Variants in COL22A1 observed in about 807,000 individuals in gnomAD.
The protein encoded by COL22A1 is collagen alpha-1(XXII) chain.
A neutral mutation model predicts 248.9 loss-of-function variants in COL22A1; 221 were observed. The observed-to-expected ratio is 0.89, with a 90% CI of 0.80 to 0.99. The LOEUF (loss-of-function observed/expected upper bound fraction) is 0.99. Among genes scored for constraint, COL22A1 ranks in the 50% least tolerant of loss-of-function variants. The pLI, the probability that COL22A1 is intolerant of heterozygous loss-of-function variation, is 0.00. For synonymous variants in COL22A1, 891 were observed against 793.4 expected (o/e 1.12, Z -2.07); for missense variants, 2,240 against 2,179.0 (o/e 1.03, Z -0.56).
intron 18 of COL22A1, among the ~76,000 whole-genome samples, chr8:138,759,699 A>C (rs1219793087): frequency 6.6e-6 from 1 of 152,218 alleles, no homozygotes; most frequent in African/African-American, 2.4e-5. Context: ...TCTTAGCAGC[A>C]AATTTACTTC....
chr8:138,735,189 T>C (rs1831013565), intron 23 of COL22A1, among the ~76,000 whole-genome samples: 1 of 152,106 alleles, frequency 6.6e-6, no homozygotes, highest in Non-Finnish European at 1.5e-5. Context: ...AAAATAAAAT[T>C]AAACTTTGAA....
intron 30 of COL22A1, among the ~76,000 whole-genome samples, chr8:138,710,831 C>T (rs1828902565): frequency 1.3e-5 from 2 of 152,156 alleles, no homozygotes; most frequent in South Asian, 4.1e-4. Context: ...ACCCAATTCT[C>T]TTCCTGACAT....
chr8:138,809,054 C>G (rs904500097), intron 9 of COL22A1, among the ~76,000 whole-genome samples: 1 of 133,158 alleles, frequency 7.5e-6, no homozygotes, highest in African/African-American at 2.7e-5. Context: ...CTTCCTAGGC[C>G]CCCTGTGTTG....
At chr8:138,784,903 C>T (rs1815378733) in intron 12 of COL22A1, among the ~76,000 whole-genome samples, 5 of 152,184 alleles carry the variant, frequency 3.3e-5, no homozygotes, top group Admixed American at 3.3e-4. Context: ...ACTCCAGGCC[C>T]TAGAGTGTGC....
intron 56 of COL22A1, among the ~76,000 whole-genome samples, chr8:138,610,799 T>C (rs966728100): frequency 1.3e-5 from 2 of 152,218 alleles, no homozygotes; most frequent in Non-Finnish European, 2.9e-5. Flanking sequence ...CATGGTGGCT[T>C]ACACCTATAA....
intron 40 of COL22A1, among the ~76,000 whole-genome samples, chr8:138,678,366 G>A (rs1825723096): frequency 6.6e-6 from 1 of 152,138 alleles, no homozygotes; most frequent in Admixed American, 6.6e-5. Flanking sequence ...CACACTACCT[G>A]CTGTTTCTGG....
intron 64 of COL22A1, among the ~76,000 whole-genome samples, chr8:138,589,722 A>G (rs1034190170): frequency 3.9e-5 from 6 of 152,174 alleles, no homozygotes; most frequent in African/African-American, 1.4e-4. Flanking sequence ...GATTGAGACC[A>G]GGTAGGGCAT....
At chr8:138,616,184 C>T (rs928750173) in intron 54 of COL22A1, 130 bp from the exon 55 acceptor site, 5 of 768,020 alleles carry the variant, frequency 6.5e-6, no homozygotes, top group African/African-American at 5.2e-5. Context: ...ATACGCAGAG[C>T]CCCAGCCCTG....
intron 45 of COL22A1, among the ~76,000 whole-genome samples, chr8:138,652,735 GTTTTT>G (rs71316352): frequency 2.9e-4 from 16 of 54,276 alleles, no homozygotes; most frequent in South Asian, 2.4e-3. Context: ...TCCTTTTCTG[GTTTTT>G]TTTTTTTTTT....
In COL22A1 at chr8:138,608,000, A is replaced by G; in HGVS notation, c.3979-11T>C. The G allele has an allele frequency of 6.2e-7, 1 of 1,613,902 alleles. No individual in the cohort carries two copies. The highest frequency in any genetic ancestry group is 8.5e-7 in the Non-Finnish European group (1 of 1,179,886). Reference sequence around the variant, plus strand: ...TGATCCATTCTTGCCCTGGTGGAAGAAACAGAGGTAATCATCCTGCCAGGG... The same window carrying G: ...TGATCCATTCTTGCCCTGGTGGAAGGAACAGAGGTAATCATCCTGCCAGGG... On this transcript the variant is annotated splice_polypyrimidine_tract_variant and intron_variant, in intron 56 of 64. Transcript: ENST00000303045.
intron 7 of COL22A1, 136 bp from the exon 8 acceptor site, chr8:138,813,155 A>C: frequency 1.5e-6 from 1 of 659,218 alleles, no homozygotes; most frequent in South Asian, 1.7e-5. Context: ...ACCCCAGGAT[A>C]CCCCTATCCT....
chr8:138,795,417 T>C (rs1816420390), intron 12 of COL22A1, among the ~76,000 whole-genome samples: 1 of 152,142 alleles, frequency 6.6e-6, no homozygotes, highest in Non-Finnish European at 1.5e-5. Context: ...CAAAGAAATG[T>C]GAGGGAGAAA....
At chr8:138,597,607 G>A (rs1437971129) in intron 61 of COL22A1, among the ~76,000 whole-genome samples, 1 of 152,172 alleles carries the variant, frequency 6.6e-6, no homozygotes, top group Non-Finnish European at 1.5e-5. Context: ...GCTGTCCTCA[G>A]GCTGTACAGA....
At chr8:138,894,460 C>G (rs1380033592) in intron 1 of COL22A1, among the ~76,000 whole-genome samples, 2 of 152,104 alleles carry the variant, frequency 1.3e-5, no homozygotes, top group Non-Finnish European at 2.9e-5. Flanking sequence ...GAAGCAAGCC[C>G]AGATTTCCAA....
intron 30 of COL22A1, among the ~76,000 whole-genome samples, chr8:138,704,133 G>C (rs118014070): frequency 6.6e-6 from 1 of 152,142 alleles, no homozygotes; most frequent in Non-Finnish European, 1.5e-5. Flanking sequence ...CGGGAGGCTC[G>C]AACTGGGTGG....
chr8:138,633,945 G>A (rs369579220), intron 49 of COL22A1, among the ~76,000 whole-genome samples: 20 of 152,294 alleles, frequency 1.3e-4, no homozygotes, highest in African/African-American at 4.1e-4. Context: ...CATCAAAGGC[G>A]CTTGGGAGGA....
chr8:138,821,070 C>T (rs991348397), intron 7 of COL22A1, 66 bp downstream of exon 7: 1 of 1,559,126 alleles, frequency 6.4e-7, no homozygotes, highest in Non-Finnish European at 8.8e-7. Context: ...ACTGAGGGCA[C>T]TTAGCTCCCA....
At chr8:138,821,499 TG>T in intron 6 of COL22A1, 88 bp from the exon 7 acceptor site, 1 of 1,339,388 alleles carries the variant, frequency 7.5e-7, no homozygotes, top group Non-Finnish European at 1.0e-6. Context: ...GAGTCAGACC[TG>T]GCAATCCTGA....
intron 60 of COL22A1, among the ~76,000 whole-genome samples, chr8:138,600,781 G>A (rs967267199): frequency 6.6e-5 from 10 of 152,318 alleles, no homozygotes; most frequent in South Asian, 2.1e-4. Flanking sequence ...TTTTCCAAGC[G>A]TGATGCATTT....
Sources: gnomAD v4.1 joint callset for allele counts (sites outside exome capture counted in the v4.1 genomes callset) on GRCh38, gnomAD v4.1.1 for gene constraint, MANE v1.5 for transcripts, NCBI Gene and HGNC (gene_info 2026-07-23, HGNC 2026-07-21) for gene names.